Variants in GBP6 observed in about 807,000 individuals in gnomAD.
The protein encoded by GBP6 is guanylate binding protein family member 6, also known as guanylate-binding protein 6.
In GBP6, 54 loss-of-function variants were observed where a neutral mutation model predicts 61.5. That is an observed-to-expected ratio of 0.88 (90% confidence interval 0.71 to 1.10). The LOEUF is 1.10. Among genes scored for constraint, GBP6 ranks in the 50% least tolerant of loss-of-function variants. The probability of loss-of-function intolerance (pLI) is 0.00; values close to 1 mark genes in which losing one functional copy is unlikely to be tolerated. For missense variants in GBP6, 748 were observed against 752.8 expected, an observed-to-expected ratio of 0.99 and a Z score of 0.07; for synonymous variants, 255 against 273.7, an observed-to-expected ratio of 0.93 and a Z score of 0.67.
At chr1:89,375,032 T>C (rs1051125312) in intron 3 of GBP6, among the ~76,000 whole-genome samples, 1 of 152,230 alleles carries the variant, frequency 6.6e-6, no homozygotes, top group Non-Finnish European at 1.5e-5. Flanking sequence ...TTTGGTTTTC[T>C]GTTCCTGCAT....
At position 89,384,300 on chromosome 1, in the gene GBP6, T is replaced by G. The variant is rs938421154; in HGVS notation, c.1662+14T>G. 2 of 1,598,284 alleles carry G rather than the reference T, an allele frequency of 1.3e-6. No homozygotes were observed. Among genetic ancestry groups the G allele is most frequent in the Admixed American group, 3.4e-5 (2 of 58,238 alleles). On this transcript the variant is annotated intron_variant, in intron 10 of 10. Coordinates refer to ENST00000370456, the MANE Select transcript of GBP6 (RefSeq NM_198460.3). ...CACACGCAGAAGGTAAGTCTGCCCT[T>G]GGCCTCAGCAGGCCAGACGGTCCTC...
In GBP6 at chr1:89,378,153, C is replaced by A. The variant is rs1652857659; in HGVS notation, c.369C>A (p.Cys123Ter). The A allele has an allele frequency of 6.2e-7, 1 of 1,613,202 alleles. No individual in the cohort carries two copies. Residue 123 changes from cysteine to a stop codon, truncating the protein, a stop_gained, in exon 4 of 11, where the codon TGC becomes TGA. Coordinates refer to ENST00000370456, the MANE Select transcript of GBP6 (RefSeq NM_198460.3). LOFTEE classifies it high-confidence loss of function. The stretch of plus-strand genomic sequence containing the variant: ...TCTTTGCCCTGGCTGTGCTCCTGTG[C>A]AGCACCTTTGTCTACAACAGCATGA... ...SWIFALAVLL[C>*]STFVYNSMST... is the part of the protein sequence containing the mutation.
chr1:89,378,171 C>T lies in GBP6; in HGVS notation c.387C>T (p.Asn129=). 2 of 1,613,268 alleles carry T rather than the reference C, an allele frequency of 1.2e-6. No individual in the cohort carries two copies. Among genetic ancestry groups the T allele is most frequent in the Non-Finnish European group, 8.5e-7 (1 of 1,179,800 alleles). ...AVLLCSTFVY[N]SMSTINHQAL... ...TCCTGTGCAGCACCTTTGTCTACAA[C>T]AGCATGAGCACCATCAACCACCAGG... is the stretch of plus-strand genomic sequence containing the variant. Residue 129 remains asparagine (N), a synonymous_variant, in exon 4 of 11, where the codon AAC becomes AAT. Coordinates refer to ENST00000370456, the MANE Select transcript of GBP6 (RefSeq NM_198460.3).
intron 4 of GBP6, 97 bp from the exon 5 acceptor site, chr1:89,378,320 C>G (rs115333666): frequency 6.6e-7 from 1 of 1,519,746 alleles, no homozygotes; most frequent in Non-Finnish European, 9.0e-7. Flanking sequence ...TGGTGCAGCA[C>G]AGGGAACCCA....
In GBP6 at chr1:89,387,328, G is replaced by T. The variant is rs573724841; in HGVS notation, c.*1859G>T. On this transcript the variant is annotated 3_prime_UTR_variant, in exon 11 of 11. Transcript: ENST00000370456. ...AGATCATGGAGAGTCATCGTAAAAT[G>T]CCTGTTAAAATAGGGAATTAGGGCC... Among the ~76,000 whole-genome samples the T allele has an allele frequency of 1.3e-5, 2 of 152,278 alleles. No individual in the cohort carries two copies. The highest frequency in any genetic ancestry group is 3.9e-4 in the East Asian group (2 of 5,192).
intron 1 of GBP6, among the ~76,000 whole-genome samples, chr1:89,365,715 T>C (rs1006678772): frequency 3.9e-5 from 6 of 152,216 alleles, no homozygotes; most frequent in African/African-American, 1.4e-4. Flanking sequence ...TATAAACTTA[T>C]AATGTCTCGT....
rs1652951220 is a variant in GBP6, at chr1:89,380,639, TC to T, written c.871+10del. The T allele has an allele frequency of 6.2e-7, 1 of 1,611,100 alleles. No individual in the cohort carries two copies. Among genetic ancestry groups the T allele is most frequent in the African/African-American group, 1.3e-5 (1 of 74,750 alleles). ...TCACAGTCACTGGGAATCGTGAGTC[TC>T]CTTTTTACTTTTCTGTGGGGCCTCA... is the stretch of plus-strand genomic sequence containing the variant. On this transcript the variant is annotated intron_variant, in intron 6 of 10. Coordinates refer to ENST00000370456, the MANE Select transcript of GBP6 (RefSeq NM_198460.3).
At chr1:89,372,497 A>G (rs1490004172) in intron 3 of GBP6, among the ~76,000 whole-genome samples, 6 of 152,208 alleles carry the variant, frequency 3.9e-5, no homozygotes, top group Non-Finnish European at 8.8e-5. Flanking sequence ...CAGAGCTCTC[A>G]GAAATAATAC....
intron 3 of GBP6, 22 bp from the exon 4 acceptor site, chr1:89,378,081 T>G: frequency 6.2e-7 from 1 of 1,603,574 alleles, no homozygotes; most frequent in Non-Finnish European, 8.5e-7. Flanking sequence ...TCCTAAGTCC[T>G]TTGCTCTAAT....
At chr1:89,364,399 C>T (rs1017406484) in intron 1 of GBP6, among the ~76,000 whole-genome samples, 13 of 152,192 alleles carry the variant, frequency 8.5e-5, no homozygotes, top group African/African-American at 3.1e-4. Context: ...GGGCGCCTGC[C>T]TGGCTATCTC....
intron 3 of GBP6, among the ~76,000 whole-genome samples, chr1:89,374,893 T>A (rs1652762443): frequency 6.6e-6 from 1 of 152,056 alleles, no homozygotes; most frequent in Non-Finnish European, 1.5e-5. Context: ...TATCCATTAG[T>A]TATTTTTCCT....
At chr1:89,365,142 A>G (rs926042647) in intron 1 of GBP6, among the ~76,000 whole-genome samples, 2 of 152,218 alleles carry the variant, frequency 1.3e-5, no homozygotes, top group Non-Finnish European at 2.9e-5. Flanking sequence ...CTGCACAGCA[A>G]AAGAAACTAT....
intron 5 of GBP6, among the ~76,000 whole-genome samples, chr1:89,379,803 C>T (rs74323290): frequency 0.098 from 14,848 of 152,238 alleles, 984 homozygotes; most frequent in Middle Eastern, 0.16. Flanking sequence ...AAATCGAATA[C>T]AGTCTTTTAA....
chr1:89,377,407 A>G (rs1652836780), intron 3 of GBP6, among the ~76,000 whole-genome samples: 1 of 152,164 alleles, frequency 6.6e-6, no homozygotes, highest in African/African-American at 2.4e-5. Flanking sequence ...CGATTTTTTA[A>G]CATTCAGCTC....
At chr1:89,364,843 T>A (rs911811228) in intron 1 of GBP6, among the ~76,000 whole-genome samples, 167 of 151,810 alleles carry the variant, frequency 1.1e-3, no homozygotes, top group African/African-American at 3.7e-3. Flanking sequence ...AAGATTTTTT[T>A]AAAAACCACC....
At chr1:89,372,645 C>G (rs1277987532) in intron 3 of GBP6, among the ~76,000 whole-genome samples, 1 of 152,120 alleles carries the variant, frequency 6.6e-6, no homozygotes, top group Non-Finnish European at 1.5e-5. Flanking sequence ...CTTCCTTACA[C>G]CTTATACAAA....
intron 1 of GBP6, among the ~76,000 whole-genome samples, chr1:89,365,016 C>A (rs1212352472): frequency 6.7e-6 from 1 of 149,574 alleles, no homozygotes; most frequent in Non-Finnish European, 1.5e-5. Flanking sequence ...CAACCCCCCG[C>A]CGCCCGTGTC....
At position 89,368,562 on chromosome 1, in the gene GBP6, G is replaced by T. The variant is rs763809484; in HGVS notation, c.11G>T (p.Gly4Val). Residue 4 changes from glycine to valine, a missense_variant, in exon 2 of 11, where the codon GGA becomes GTA. Transcript: ENST00000370456. The stretch of plus-strand genomic sequence containing the variant: ...AGGTTGGCAGTTGCCATGGAATCTG[G>T]ACCCAAAATGTTGGCCCCCGTTTGC... Reference protein sequence around the residue: MESGPKMLAPVCLV... With the variant: MESVPKMLAPVCLV... 9 of 1,613,684 alleles carry T rather than the reference G, an allele frequency of 5.6e-6. No individual in the cohort carries two copies. The highest frequency in any genetic ancestry group is 3.4e-6 in the Non-Finnish European group (4 of 1,179,760).
At chr1:89,371,289 A>G (rs560841316) in intron 3 of GBP6, among the ~76,000 whole-genome samples, 14 of 152,174 alleles carry the variant, frequency 9.2e-5, no homozygotes, top group Non-Finnish European at 2.1e-4. Flanking sequence ...AAAAAGATGG[A>G]ATCCTCCCTA....
Sources: allele counts gnomAD v4.1 joint callset (sites outside exome capture counted in the v4.1 genomes callset), GRCh38; gene constraint gnomAD v4.1.1; transcripts MANE v1.5; gene names NCBI Gene and HGNC (gene_info 2026-07-23, HGNC 2026-07-21).